Variants in MLKL observed in about 807,000 individuals in gnomAD.
MLKL encodes the protein mixed lineage kinase domain like pseudokinase.
A neutral mutation model predicts 56.5 loss-of-function variants in MLKL; 55 were observed. That is an observed-to-expected ratio of 0.97 (90% CI 0.78 to 1.22). The LOEUF (loss-of-function observed/expected upper bound fraction) is 1.22. Ranked by LOEUF, MLKL falls within the 50% of genes most tolerant of loss-of-function variation. The probability of loss-of-function intolerance (pLI) is 0.00; values close to 1 mark genes in which losing one functional copy is unlikely to be tolerated. For missense variants in MLKL, 694 were observed against 573.9 expected (o/e 1.21, Z -2.14); for synonymous variants, 251 against 208.3 (o/e 1.20, Z -1.76).
chr16:74,695,033 C>G (rs544568031), intron 2 of MLKL, among the ~76,000 whole-genome samples: 1 of 152,178 alleles, frequency 6.6e-6, no homozygotes, highest in South Asian at 2.1e-4. Context: ...CCACCATGCC[C>G]GGCTAATTTT....
rs35589326 is a variant in MLKL at position 74,695,364 on chromosome 16, A to G, written c.394T>C (p.Ser132Pro). Residue 132 changes from serine (S) to proline (P), a missense_variant, in exon 2 of 11, where the codon TCC (serine) becomes CCC (proline). By Grantham distance (74) the Ser-to-Pro change is moderately conservative. Coordinates refer to ENST00000308807, the MANE Select transcript of MLKL (RefSeq NM_152649.4). Reference protein sequence around the residue: ...MPVSPISQGASWAQEDQQDAD... With the variant: ...MPVSPISQGAPWAQEDQQDAD... The stretch of plus-strand genomic sequence containing the variant: ...TCCTGCTGATCTTCCTGTGCCCAGG[A>G]CGCTCCTTGGCTTATGGGTGAAACA... 0.016 allele frequency: 25,057 copies of G among 1,614,154 alleles called. 247 individuals are homozygous for G. The highest frequency in any genetic ancestry group is 0.018 in the Non-Finnish European group (20,668 of 1,180,030).
At chr16:74,686,035 C>T (rs1960306915) in intron 4 of MLKL, among the ~76,000 whole-genome samples, 1 of 151,374 alleles carries the variant, frequency 6.6e-6, no homozygotes. Flanking sequence ...TCTTGGCTCA[C>T]TGCAGCCTCC....
chr16:74,689,761 A>G (rs1178452346), intron 4 of MLKL, among the ~76,000 whole-genome samples: 5 of 152,322 alleles, frequency 3.3e-5, no homozygotes, highest in Non-Finnish European at 7.4e-5. Context: ...TTAATATACA[A>G]TAAATATGGT....
At chr16:74,684,068 C>T (rs1052937316) in intron 5 of MLKL, among the ~76,000 whole-genome samples, 1 of 151,946 alleles carries the variant, frequency 6.6e-6, no homozygotes, top group East Asian at 1.9e-4. Context: ...CTGCCTCAGC[C>T]TCCCGAGTAG....
intron 5 of MLKL, among the ~76,000 whole-genome samples, chr16:74,683,577 G>A (rs1395356787): frequency 7.0e-6 from 1 of 143,672 alleles, no homozygotes; most frequent in Non-Finnish European, 1.5e-5. Context: ...CTGAGTGACA[G>A]AATGAGACTC....
At chr16:74,676,571 G>T (rs548924006) in intron 7 of MLKL, 1 of 649,884 alleles carries the variant, frequency 1.5e-6, no homozygotes, top group Non-Finnish European at 1.9e-6. Flanking sequence ...ATGAAAGGTG[G>T]AATAGCGCAT....
At chr16:74,691,615 C>T in intron 3 of MLKL, 152 bp from the exon 4 acceptor site, 1 of 803,326 alleles carries the variant, frequency 1.2e-6, no homozygotes, top group East Asian at 2.6e-5. Flanking sequence ...GGACTCAGCC[C>T]AAGGGAGCGG....
intron 7 of MLKL, chr16:74,677,396 C>A (rs1290677074): frequency 6.6e-6 from 1 of 152,360 alleles, no homozygotes; most frequent in Non-Finnish European, 1.5e-5. Context: ...GTTGCCCAGG[C>A]TAGGGTATAC....
At chr16:74,690,404 G>A (rs529858415) in intron 4 of MLKL, among the ~76,000 whole-genome samples, 4 of 152,118 alleles carry the variant, frequency 2.6e-5, no homozygotes, top group Non-Finnish European at 1.5e-5. Context: ...ATATCCTGAA[G>A]GATTCTTATA....
chr16:74,689,083 G>C (rs570967603), intron 4 of MLKL, among the ~76,000 whole-genome samples: 38 of 151,922 alleles, frequency 2.5e-4, no homozygotes, highest in African/African-American at 8.9e-4. Flanking sequence ...AGTGGGTATA[G>C]GGTTTCTCCT....
rs1960276114 is a variant in MLKL, at chr16:74,685,571, C to G, written c.735G>C (p.Gln245His). The change falls in exon 5 of 11, where the codon CAG becomes CAC. Residue 245 changes from glutamine to histidine, a missense_variant. Coordinates refer to ENST00000308807, the MANE Select transcript of MLKL (RefSeq NM_152649.4). ...TGGTTTTGATCTCCTTATTGAAAGT[C>G]TGCCTCACTATTCTATAAGGATTAA... ...LQAGSIAIVRQTFNKEIKTMK... is the reference protein window; with the variant it reads ...LQAGSIAIVRHTFNKEIKTMK... The G allele has an allele frequency of 3.7e-6, 6 of 1,612,598 alleles. No homozygotes were observed. Among genetic ancestry groups the G allele is most frequent in the Non-Finnish European group, 5.1e-6 (6 of 1,178,682 alleles).
rs907256455 is a variant in MLKL, at chr16:74,695,445, G to C, written c.313C>G (p.Leu105Val). 1.9e-6 allele frequency: 3 copies of C among 1,614,082 alleles called. No homozygotes were observed. The highest frequency in any genetic ancestry group is 2.5e-6 in the Non-Finnish European group (3 of 1,180,044). Residue 105 changes from leucine to valine, a missense_variant, in exon 2 of 11, where the codon CTG becomes GTG. Physicochemically the swap from Leu to Val is conservative, Grantham distance 32. Coordinates refer to ENST00000308807, the MANE Select transcript of MLKL (RefSeq NM_152649.4). The stretch of plus-strand genomic sequence containing the variant: ...GAGAGCTCCTTCCAGACATCACTCA[G>C]CTTCCTGTTCACGTCCTTGAAGAGT... ...KILFKDVNRK[L>V]SDVWKELSLL...
intron 7 of MLKL, 50 bp downstream of exon 7, chr16:74,678,849 G>C: frequency 7.4e-7 from 1 of 1,346,808 alleles, no homozygotes; most frequent in Non-Finnish European, 1.1e-6. Flanking sequence ...CCCTCTCATA[G>C]CACCAGTCAT....
intron 10 of MLKL, among the ~76,000 whole-genome samples, chr16:74,673,139 A>G (rs9929483): frequency 0.73 from 111,178 of 152,098 alleles, 41,163 homozygotes; most frequent in African/African-American, 0.85. Flanking sequence ...CCTCATGCTC[A>G]AGACTTCTGT....
Position 74,695,731 on chromosome 16 carries a change from G to C in MLKL, c.27C>G (p.Thr9=). The change falls in exon 2 of 11, where the codon ACC becomes ACG. Residue 9 remains threonine (T), a synonymous_variant. Coordinates refer to ENST00000308807, the MANE Select transcript of MLKL (RefSeq NM_152649.4). ...ACCGTTTGTGGATGACCTGGCCAAG[G>C]GTGATAATATGCTTCAAATTTTCCA... MENLKHII[T]LGQVIHKRCE... is the part of the protein sequence containing the mutation. 1.3e-6 allele frequency: 2 copies of C among 1,598,328 alleles called. No individual in the cohort carries two copies. Among genetic ancestry groups the C allele is most frequent in the East Asian group, 4.5e-5 (2 of 44,648 alleles).
Position 74,686,693 on chromosome 16 carries a change from G to A in MLKL, c.723-1110C>T, listed in dbSNP as rs146490081. ...AGGTAAATTATTAAAGAGGATCACT[G>A]GAACCACCAACTCAATCCAATCTGT... On this transcript the variant is annotated intron_variant, in intron 4 of 10. Coordinates refer to ENST00000308807, the MANE Select transcript of MLKL (RefSeq NM_152649.4). Among the ~76,000 whole-genome samples, 360 of 152,282 alleles carry A rather than the reference G, an allele frequency of 2.4e-3. 2 individuals are homozygous for A. The highest frequency in any genetic ancestry group is 8.1e-3 in the African/African-American group (337 of 41,562).
intron 7 of MLKL, 97 bp downstream of exon 7, chr16:74,678,802 C>G (rs1959763394): frequency 2.3e-6 from 2 of 870,236 alleles, no homozygotes; most frequent in Admixed American, 2.2e-5. Flanking sequence ...AATAAATAAA[C>G]TAAGACAAGA....
Position 74,678,955 on chromosome 16 carries a change from G to A in MLKL, c.982C>T (p.Leu328Phe). ...TTTGAGCTTCTGATTTTTCCGTGGA[G>A]TTCAGGTGCTTCTGAATGGTGTAGC... ...YRLHHSEAPE[L>F]HGKIRSSNFL... Residue 328 changes from leucine to phenylalanine, a missense_variant, in exon 7 of 11, where the codon CTC becomes TTC. Transcript: ENST00000308807. The A allele has an allele frequency of 6.2e-7, 1 of 1,614,104 alleles. No homozygotes were observed. The highest frequency in any genetic ancestry group is 8.5e-7 in the Non-Finnish European group (1 of 1,179,974).
intron 4 of MLKL, among the ~76,000 whole-genome samples, chr16:74,686,085 G>A (rs570572136): frequency 6.6e-5 from 10 of 151,832 alleles, no homozygotes; most frequent in Non-Finnish European, 1.5e-4. Context: ...TCAGCCACCT[G>A]AGTAGCTGGA....
Sources: gnomAD v4.1 joint callset for allele counts (sites outside exome capture counted in the v4.1 genomes callset) on GRCh38, gnomAD v4.1.1 for gene constraint, MANE v1.5 for transcripts, NCBI Gene and HGNC (gene_info 2026-07-23, HGNC 2026-07-21) for gene names.